NFIA: variants seen among roughly 807,000 people sequenced by gnomAD.
NFIA encodes nuclear factor 1 A-type.
Under a neutral mutation model 62.8 loss-of-function variants are expected in NFIA, and 8 were observed. The observed-to-expected ratio is 0.13, with a 90% CI of 0.07 to 0.23. NFIA has a LOEUF of 0.23. NFIA is among the 10% of genes least tolerant of loss of function. NFIA has a pLI of 1.00. For synonymous variants in NFIA, 235 were observed against 238.1 expected (o/e 0.99, Z 0.12); for missense variants, 410 against 642.1 (o/e 0.64, Z 3.91).
chr1:61,277,674 T>TA (rs1442703046), intron 3 of NFIA, 89 bp downstream of exon 3: 3 of 1,302,050 alleles, frequency 2.3e-6, no homozygotes, highest in Non-Finnish European at 3.3e-6. Flanking sequence ...GGGCCTACCC[T>TA]ATAAGTAGCC....
At chr1:61,248,395 G>T (rs1655789646) in intron 2 of NFIA, among the ~76,000 whole-genome samples, 1 of 152,100 alleles carries the variant, frequency 6.6e-6, no homozygotes, top group Non-Finnish European at 1.5e-5. Flanking sequence ...TTAAAACACA[G>T]CCCTGAGAGG....
At chr1:61,377,418 T>G (rs1167602929) in intron 6 of NFIA, among the ~76,000 whole-genome samples, 1 of 152,164 alleles carries the variant, frequency 6.6e-6, no homozygotes, top group African/African-American at 2.4e-5. Context: ...AGGCTTCCAG[T>G]TGCCTTTAAG....
chr1:61,337,620 A>G (rs1331773606), intron 4 of NFIA, among the ~76,000 whole-genome samples: 1 of 152,224 alleles, frequency 6.6e-6, no homozygotes, highest in Non-Finnish European at 1.5e-5. Context: ...TTGTTTTAGC[A>G]TAATACTATG....
At chr1:61,163,284 A>G (rs552927854) in intron 2 of NFIA, among the ~76,000 whole-genome samples, 1 of 152,302 alleles carries the variant, frequency 6.6e-6, no homozygotes, top group Admixed American at 6.5e-5. Context: ...TTCTTTGTGA[A>G]GCAATATAAC....
chr1:61,400,144 A>G (rs1472748408), intron 7 of NFIA, among the ~76,000 whole-genome samples: 2 of 152,192 alleles, frequency 1.3e-5, no homozygotes, highest in Admixed American at 1.3e-4. Context: ...GTATCCAGTA[A>G]TATGATCATT....
At chr1:61,242,867 T>C (rs940669342) in intron 2 of NFIA, among the ~76,000 whole-genome samples, 5 of 152,078 alleles carry the variant, frequency 3.3e-5, no homozygotes, top group African/African-American at 7.2e-5. Context: ...GATAATACTA[T>C]AGAGCGATAT....
chr1:61,096,418 G>C (rs1375753868), intron 2 of NFIA, among the ~76,000 whole-genome samples: 1 of 151,964 alleles, frequency 6.6e-6, no homozygotes, highest in African/African-American at 2.4e-5. Flanking sequence ...TGGTCAGGCT[G>C]GTCTCGAACT....
intron 2 of NFIA, among the ~76,000 whole-genome samples, chr1:61,092,203 G>C (rs948466589): frequency 6.6e-6 from 1 of 152,184 alleles, no homozygotes; most frequent in African/African-American, 2.4e-5. Flanking sequence ...ACTTTTTGCA[G>C]ATGAGGAATT....
At chr1:61,198,430 A>G (rs1652184647) in intron 2 of NFIA, among the ~76,000 whole-genome samples, 2 of 152,176 alleles carry the variant, frequency 1.3e-5, no homozygotes, top group African/African-American at 4.8e-5. Context: ...GTGTTCTGTT[A>G]TGGTGACAGA....
chr1:61,135,985 C>T (rs1476497497), intron 2 of NFIA, among the ~76,000 whole-genome samples: 3 of 152,216 alleles, frequency 2.0e-5, no homozygotes, highest in Non-Finnish European at 4.4e-5. Flanking sequence ...CTTACGCTCG[C>T]ATACATGTAG....
chr1:61,291,285 G>A lies in NFIA; in HGVS notation c.625+13700G>A, dbSNP rs563806894. ...TCTGAGCAGAATTGATAGTGAGGCC[G>A]ATGTGGAAAGCAACTCAGAGTAGGA... is the stretch of plus-strand genomic sequence containing the variant. On this transcript the variant is annotated intron_variant, in intron 3 of 10. Transcript: ENST00000403491. 1.8e-4 allele frequency among the ~76,000 whole-genome samples: 28 copies of A among 152,286 alleles called. No homozygotes were observed. The South Asian group carries it at 2.3e-3, about 12-fold the overall frequency.
At chr1:61,421,032 G>T (rs1666594559) in intron 9 of NFIA, among the ~76,000 whole-genome samples, 1 of 151,920 alleles carries the variant, frequency 6.6e-6, no homozygotes, top group Admixed American at 6.6e-5. Flanking sequence ...CTCCAATTGT[G>T]CTGTGCCCTT....
chr1:61,444,617 T>G (rs1333381774), intron 10 of NFIA, among the ~76,000 whole-genome samples: 1 of 152,216 alleles, frequency 6.6e-6, no homozygotes, highest in South Asian at 2.1e-4. Flanking sequence ...GGAAGTCACA[T>G]TTTAGCTCAG....
intron 2 of NFIA, among the ~76,000 whole-genome samples, chr1:61,146,573 C>G (rs945322509): frequency 3.7e-4 from 57 of 152,150 alleles, no homozygotes; most frequent in African/African-American, 1.3e-3. Flanking sequence ...GCTCAAAAAC[C>G]CCTCCTCCAA....
intron 2 of NFIA, among the ~76,000 whole-genome samples, chr1:61,232,477 G>A (rs1654739385): frequency 6.6e-6 from 1 of 151,578 alleles, no homozygotes. Context: ...GAATTATGCA[G>A]GTCATCTCAA....
intron 2 of NFIA, among the ~76,000 whole-genome samples, chr1:61,152,014 A>G (rs1348732395): frequency 6.6e-6 from 1 of 152,210 alleles, no homozygotes; most frequent in Non-Finnish European, 1.5e-5. Context: ...ACACTGTGAT[A>G]ATAACTGAAG....
chr1:61,154,250 C>T (rs764476769), intron 2 of NFIA, among the ~76,000 whole-genome samples: 16 of 151,986 alleles, frequency 1.1e-4, no homozygotes, highest in Non-Finnish European at 1.6e-4. Flanking sequence ...CTTGGCTCAC[C>T]GCCTCCCAGA....
chr1:61,377,222 C>CAAAAAA (rs112943071), intron 6 of NFIA, among the ~76,000 whole-genome samples: 6 of 150,258 alleles, frequency 4.0e-5, no homozygotes, highest in Non-Finnish European at 5.9e-5. Flanking sequence ...GACTCCATCT[C>CAAAAAA]AAAAAAAAGA....
At chr1:61,365,018 C>G (rs1221972329) in intron 6 of NFIA, among the ~76,000 whole-genome samples, 1 of 152,038 alleles carries the variant, frequency 6.6e-6, no homozygotes, top group Non-Finnish European at 1.5e-5. Flanking sequence ...GACCCTGTCT[C>G]TACAAAAAAA....
Sources: allele counts gnomAD v4.1 joint callset (sites outside exome capture counted in the v4.1 genomes callset), GRCh38; gene constraint gnomAD v4.1.1; transcripts MANE v1.5; gene names NCBI Gene and HGNC (gene_info 2026-07-23, HGNC 2026-07-21).